Variants in TMEFF1 observed in about 807,000 individuals in gnomAD.
The protein encoded by TMEFF1 is tomoregulin-1.
TMEFF1 carries 20 observed loss-of-function variants against 47.5 expected under a neutral mutation model. The observed-to-expected ratio is 0.42, with a 90% confidence interval of 0.30 to 0.61. TMEFF1 has a LOEUF of 0.61. TMEFF1 is among the 20% of genes least tolerant of loss of function. TMEFF1 has a pLI of 0.19. For synonymous variants in TMEFF1, 162 were observed against 166.3 expected, an observed-to-expected ratio of 0.97 and a Z score of 0.20; for missense variants, 411 against 471.1, an observed-to-expected ratio of 0.87 and a Z score of 1.18.
intron 5 of TMEFF1, among the ~76,000 whole-genome samples, chr9:100,538,157 A>G (rs1838556770): frequency 6.6e-6 from 1 of 151,882 alleles, no homozygotes; most frequent in South Asian, 2.1e-4. Context: ...GGTTCAAATG[A>G]TTCTCCTGTC....
chr9:100,572,898 C>T (rs1839274941), intron 9 of TMEFF1, among the ~76,000 whole-genome samples: 1 of 151,404 alleles, frequency 6.6e-6, no homozygotes, highest in African/African-American at 2.4e-5. Context: ...TGAGAATAGT[C>T]AATGAGATAA....
At chr9:100,521,309 C>T (rs1296439130) in intron 5 of TMEFF1, among the ~76,000 whole-genome samples, 2 of 152,134 alleles carry the variant, frequency 1.3e-5, no homozygotes, top group East Asian at 1.9e-4. Flanking sequence ...TTGATGGCAT[C>T]GTGGGCTTTG....
At chr9:100,527,732 G>T (rs1277714553) in intron 5 of TMEFF1, among the ~76,000 whole-genome samples, 1 of 152,210 alleles carries the variant, frequency 6.6e-6, no homozygotes, top group African/African-American at 2.4e-5. Flanking sequence ...ACTGGGTGGA[G>T]CCCACCACAG....
intron 5 of TMEFF1, among the ~76,000 whole-genome samples, chr9:100,529,888 A>G (rs1046313263): frequency 3.9e-5 from 6 of 152,224 alleles, no homozygotes; most frequent in African/African-American, 1.4e-4. Context: ...ATTATAACAA[A>G]TTATCTCTCA....
intron 2 of TMEFF1, among the ~76,000 whole-genome samples, chr9:100,502,523 C>A (rs1052251978): frequency 4.6e-5 from 7 of 152,002 alleles, no homozygotes; most frequent in African/African-American, 1.5e-4. Flanking sequence ...CCACACCTGG[C>A]TGATTAAAAA....
intron 5 of TMEFF1, 151 bp downstream of exon 5, chr9:100,516,922 TG>T: frequency 1.2e-6 from 1 of 813,384 alleles, no homozygotes; most frequent in Non-Finnish European, 1.8e-6. Context: ...ACTTTTAAAT[TG>T]ATATAATACT....
At chr9:100,489,425 A>G (rs1371677872) in intron 1 of TMEFF1, among the ~76,000 whole-genome samples, 1 of 152,188 alleles carries the variant, frequency 6.6e-6, no homozygotes, top group East Asian at 1.9e-4. Flanking sequence ...TCCTGGGCTC[A>G]AGCAATCCTC....
chr9:100,545,340 G>A (rs932050581), intron 5 of TMEFF1, among the ~76,000 whole-genome samples: 1 of 152,176 alleles, frequency 6.6e-6, no homozygotes, highest in African/African-American at 2.4e-5. Flanking sequence ...CTCTGTACCT[G>A]CAGGCTTAAC....
chr9:100,538,616 T>C (rs1838565112), intron 5 of TMEFF1, among the ~76,000 whole-genome samples: 4 of 152,210 alleles, frequency 2.6e-5, no homozygotes, highest in Non-Finnish European at 4.4e-5. Context: ...CCCTTAATGA[T>C]CTATAATCTG....
intron 7 of TMEFF1, 48 bp downstream of exon 7, chr9:100,550,208 T>A (rs1368912087): frequency 6.3e-7 from 1 of 1,580,016 alleles, no homozygotes; most frequent in Non-Finnish European, 8.6e-7. Context: ...GGAAATACGG[T>A]CACTAGCTGT....
At chr9:100,524,267 G>A (rs1374669945) in intron 5 of TMEFF1, among the ~76,000 whole-genome samples, 2 of 152,054 alleles carry the variant, frequency 1.3e-5, no homozygotes, top group Non-Finnish European at 2.9e-5. Flanking sequence ...TGCAATTTAA[G>A]GAATACCTGT....
At chr9:100,514,752 T>C (rs1036238136) in intron 4 of TMEFF1, among the ~76,000 whole-genome samples, 7 of 150,784 alleles carry the variant, frequency 4.6e-5, no homozygotes, top group Admixed American at 4.0e-4. Flanking sequence ...CCCAGCACTT[T>C]GGGAGGCCGA....
chr9:100,521,640 A>T (rs1838161979), intron 5 of TMEFF1, among the ~76,000 whole-genome samples: 1 of 152,210 alleles, frequency 6.6e-6, no homozygotes, highest in Non-Finnish European at 1.5e-5. Context: ...GATAGTGGGG[A>T]CACATAATCA....
intron 8 of TMEFF1, among the ~76,000 whole-genome samples, chr9:100,568,645 C>T (rs1382590442): frequency 6.6e-6 from 1 of 151,684 alleles, no homozygotes; most frequent in African/African-American, 2.4e-5. Context: ...CAGAGTTGTG[C>T]AACCATCACC....
chr9:100,538,692 C>T (rs997229100), intron 5 of TMEFF1, among the ~76,000 whole-genome samples: 5 of 152,250 alleles, frequency 3.3e-5, no homozygotes, highest in East Asian at 1.9e-4. Flanking sequence ...TTGATTTTCT[C>T]GTGCACAGCA....
intron 5 of TMEFF1, 132 bp downstream of exon 5, chr9:100,516,903 A>T (rs1177974118): frequency 8.6e-6 from 9 of 1,046,348 alleles, no homozygotes; most frequent in South Asian, 2.0e-5. Context: ...GTTTAATGCT[A>T]GTCTATTGAC....
At chr9:100,511,736 A>C in intron 3 of TMEFF1, among the ~76,000 whole-genome samples, 1 of 152,028 alleles carries the variant, frequency 6.6e-6, no homozygotes. Flanking sequence ...ATTGTATTTC[A>C]TTCATCTGAC....
chr9:100,522,503 TCTTGGC>T (rs1838181736), intron 5 of TMEFF1, among the ~76,000 whole-genome samples: 2 of 129,904 alleles, frequency 1.5e-5, no homozygotes, highest in South Asian at 5.3e-4. Context: ...AGTGGCACAA[TCTTGGC>T]TCACTGCAAC....
At chr9:100,509,760 CA>C (rs1837928643) in intron 3 of TMEFF1, among the ~76,000 whole-genome samples, 1 of 140,170 alleles carries the variant, frequency 7.1e-6, no homozygotes, top group Non-Finnish European at 1.5e-5. Context: ...GGCGACAGAG[CA>C]AGACTCCATC....
Sources: allele counts gnomAD v4.1 joint callset (sites outside exome capture counted in the v4.1 genomes callset), GRCh38; gene constraint gnomAD v4.1.1; transcripts MANE v1.5; gene names NCBI Gene and HGNC (gene_info 2026-07-23, HGNC 2026-07-21).